DROSHA: variants seen among roughly 807,000 people sequenced by gnomAD.
DROSHA encodes the protein drosha ribonuclease III, also known as ribonuclease 3.
DROSHA carries 56 observed loss-of-function variants against 181.9 expected under a neutral mutation model. The ratio of observed to expected loss-of-function variants is 0.31; its 90% confidence interval spans 0.25 to 0.38. DROSHA has a LOEUF of 0.38. DROSHA is among the 10% of genes least tolerant of loss of function. The pLI, the probability that DROSHA is intolerant of heterozygous loss-of-function variation, is 1.00. For synonymous variants in DROSHA, 524 were observed against 591.2 expected (o/e 0.89, Z 1.65); for missense variants, 1,218 against 1,743.5 (o/e 0.70, Z 5.37).
At chr5:31,437,996 C>T (rs933900418) in intron 23 of DROSHA, among the ~76,000 whole-genome samples, 5 of 152,190 alleles carry the variant, frequency 3.3e-5, no homozygotes, top group Non-Finnish European at 7.3e-5. Context: ...AAGCCCTGCC[C>T]GATGCCCCTC....
chr5:31,413,343 T>A (rs1741543940), intron 30 of DROSHA, among the ~76,000 whole-genome samples: 2 of 152,176 alleles, frequency 1.3e-5, no homozygotes, highest in African/African-American at 4.8e-5. Flanking sequence ...CATATTCTCA[T>A]CGTCAGTTTA....
chr5:31,455,370 A>G (rs890665749), intron 20 of DROSHA, among the ~76,000 whole-genome samples: 5 of 152,156 alleles, frequency 3.3e-5, no homozygotes, highest in African/African-American at 1.2e-4. Context: ...AAGAAAATAC[A>G]AGATGCATAT....
intron 20 of DROSHA, among the ~76,000 whole-genome samples, chr5:31,458,023 A>T (rs1747875124): frequency 6.6e-6 from 1 of 152,242 alleles, no homozygotes; most frequent in Non-Finnish European, 1.5e-5. Flanking sequence ...AGTGAGATAC[A>T]GCTATAGATA....
intron 23 of DROSHA, among the ~76,000 whole-genome samples, chr5:31,439,052 T>C (rs368793658): frequency 2.0e-5 from 3 of 152,116 alleles, no homozygotes; most frequent in East Asian, 1.9e-4. Context: ...AGGCCCTTGA[T>C]AGGCTATCTG....
intron 30 of DROSHA, among the ~76,000 whole-genome samples, chr5:31,416,450 C>T (rs964799271): frequency 2.0e-5 from 3 of 152,198 alleles, no homozygotes; most frequent in Non-Finnish European, 4.4e-5. Flanking sequence ...TGAACAAAAA[C>T]ATGCTCTCAA....
chr5:31,511,376 A>G (rs116518800), intron 8 of DROSHA, among the ~76,000 whole-genome samples, 200 bp from the exon 9 acceptor site: 3,137 of 152,304 alleles, frequency 0.021, 43 homozygotes, highest in Middle Eastern at 0.061. Context: ...TCGCTGACAC[A>G]GTCTTCAGGT....
intron 30 of DROSHA, among the ~76,000 whole-genome samples, chr5:31,412,613 G>A (rs1741447759): frequency 6.6e-6 from 1 of 152,168 alleles, no homozygotes; most frequent in Non-Finnish European, 1.5e-5. Context: ...CATAAGCCAT[G>A]CTTGCTGTTG....
intron 5 of DROSHA, among the ~76,000 whole-genome samples, chr5:31,522,008 AAAG>A (rs1253977994): frequency 6.6e-6 from 1 of 152,210 alleles, no homozygotes; most frequent in Non-Finnish European, 1.5e-5. Context: ...CTGAGTCCAG[AAAG>A]AAGACCATTA....
chr5:31,497,288 C>A (rs183309633), intron 11 of DROSHA, among the ~76,000 whole-genome samples: 261 of 152,306 alleles, frequency 1.7e-3, no homozygotes, highest in Non-Finnish European at 2.7e-3. Context: ...CAGACAACAA[C>A]AGAGAGGCTT....
rs774077875 is a variant in DROSHA, at chr5:31,526,445, T to G, written c.488A>C (p.Gln163Pro). 2 of 1,593,912 alleles carry G rather than the reference T, an allele frequency of 1.3e-6. No homozygotes were observed. The highest frequency in any genetic ancestry group is 1.1e-5 in the South Asian group (1 of 90,406). ...HPPPPPVMPQQVNYQYPPGYS... is the reference protein window; with the variant it reads ...HPPPPPVMPQPVNYQYPPGYS... ...GCCCGGAGGGTACTGATAATTAACC[T>G]GCTGCGGCATGACTGGAGGGGGCGG... is the stretch of plus-strand genomic sequence containing the variant. Residue 163 changes from glutamine to proline, a missense_variant, in exon 5 of 36, where the codon CAG (glutamine) becomes CCG (proline). Gln to Pro is a moderately conservative substitution (Grantham distance 76). Around this residue, in one of 8 missense-constraint regions of DROSHA, gnomAD observed 536 missense variants for 535.4 expected, o/e 1.00. Transcript: ENST00000344624.
intron 35 of DROSHA, 31 bp from the exon 36 acceptor site, chr5:31,401,593 T>C (rs753117878): frequency 8.4e-6 from 11 of 1,306,636 alleles, no homozygotes; most frequent in Non-Finnish European, 1.1e-5. Flanking sequence ...TTATATTTAA[T>C]AAAATTATAT....
At chr5:31,457,199 T>C (rs925369609) in intron 20 of DROSHA, among the ~76,000 whole-genome samples, 2 of 143,874 alleles carry the variant, frequency 1.4e-5, no homozygotes, top group Non-Finnish European at 3.0e-5. Context: ...TCTCGGCTCA[T>C]TGCAACCTCT....
chr5:31,453,364 C>T (rs532208415), intron 20 of DROSHA, among the ~76,000 whole-genome samples: 2 of 152,216 alleles, frequency 1.3e-5, no homozygotes, highest in African/African-American at 2.4e-5. Flanking sequence ...CCACACTCTG[C>T]TAATATCTGT....
rs1740557852 is a variant in DROSHA, at chr5:31,526,330, A to C, written c.603T>G (p.Ser201Arg). 1 of 1,613,420 alleles carries C rather than the reference A, an allele frequency of 6.2e-7. No individual in the cohort carries two copies. The highest frequency in any genetic ancestry group is 8.5e-7 in the Non-Finnish European group (1 of 1,179,740). Reference sequence around the variant, plus strand: ...ATGGAGGGAGATGTCTGAAATGAGGACTACTGCTGTTATTAGCACTGGGCA... The same window carrying C: ...ATGGAGGGAGATGTCTGAAATGAGGCCTACTGCTGTTATTAGCACTGGGCA... ...SFLPSANNSSSPHFRHLPPYP... is the reference protein window; with the variant it reads ...SFLPSANNSSRPHFRHLPPYP... Residue 201 changes from serine to arginine, a missense_variant, in exon 5 of 36, where the codon AGT becomes AGG. Transcript: ENST00000344624.
intron 30 of DROSHA, among the ~76,000 whole-genome samples, 190 bp downstream of exon 30, chr5:31,421,082 A>T (rs1742603264): frequency 6.6e-6 from 1 of 152,232 alleles, no homozygotes; most frequent in Non-Finnish European, 1.5e-5. Context: ...TCAGTAAATA[A>T]AGGAGTATAA....
At chr5:31,486,271 G>A (rs1751742327) in intron 14 of DROSHA, among the ~76,000 whole-genome samples, 1 of 152,142 alleles carries the variant, frequency 6.6e-6, no homozygotes, top group South Asian at 2.1e-4. Context: ...GTAACACAAG[G>A]AGAAAGGGGT....
chr5:31,501,228 G>A (rs906837743), intron 11 of DROSHA, among the ~76,000 whole-genome samples: 3 of 152,152 alleles, frequency 2.0e-5, no homozygotes, highest in Non-Finnish European at 4.4e-5. Context: ...ATACATCACT[G>A]TGGTGCCCCA....
chr5:31,431,746 T>A (rs1191185030), intron 25 of DROSHA, 68 bp from the exon 26 acceptor site: 6 of 1,474,050 alleles, frequency 4.1e-6, no homozygotes, highest in Non-Finnish European at 5.7e-6. Flanking sequence ...TAACTCAGCA[T>A]CTCTTGCAGA....
intron 30 of DROSHA, among the ~76,000 whole-genome samples, chr5:31,417,098 T>C (rs1742035071): frequency 6.6e-6 from 1 of 152,164 alleles, no homozygotes; most frequent in African/African-American, 2.4e-5. Context: ...GGGGAAGTGG[T>C]TGCCTATTTA....
Sources: allele counts gnomAD v4.1 joint callset (sites outside exome capture counted in the v4.1 genomes callset), GRCh38; gene constraint gnomAD v4.1.1; regional missense constraint gnomAD v4.1.1; transcripts MANE v1.5; gene names NCBI Gene and HGNC (gene_info 2026-07-23, HGNC 2026-07-21).